The following RGS5 variants were observed in gnomAD, a reference collection of about 807,000 sequenced individuals.
RGS5 encodes regulator of G protein signaling 5.
Under a neutral mutation model 18.9 loss-of-function variants are expected in RGS5, and 20 were observed. The observed-to-expected ratio is 1.06, with a 90% CI of 0.74 to 1.54. The LOEUF is 1.54. RGS5 is among the 40% of genes most tolerant of loss of function. The pLI is 0.00. For missense variants in RGS5, 201 were observed against 211.8 expected (o/e 0.95, Z 0.32); for synonymous variants, 57 against 76.2 (o/e 0.75, Z 1.31).
At chr1:163,187,608 T>C (rs1659148152) in intron 1 of RGS5, among the ~76,000 whole-genome samples, 1 of 152,142 alleles carries the variant, frequency 6.6e-6, no homozygotes, top group Non-Finnish European at 1.5e-5. Context: ...AGAAGTGGGT[T>C]CAGGGAGCTT....
At chr1:163,157,557 T>C (rs542103036) in intron 3 of RGS5, among the ~76,000 whole-genome samples, 81 of 152,310 alleles carry the variant, frequency 5.3e-4, no homozygotes, top group African/African-American at 1.9e-3. Context: ...ATTAAAGATA[T>C]GAATGTAAGG....
intron 1 of RGS5, among the ~76,000 whole-genome samples, chr1:163,191,364 G>C (rs1487105227): frequency 6.6e-6 from 1 of 152,092 alleles, no homozygotes; most frequent in Non-Finnish European, 1.5e-5. Flanking sequence ...AGATAGTGCA[G>C]CAATTTGGGT....
At chr1:163,175,924 C>G (rs535918994) in intron 1 of RGS5, among the ~76,000 whole-genome samples, 4 of 152,232 alleles carry the variant, frequency 2.6e-5, no homozygotes, top group African/African-American at 9.6e-5. Context: ...GATATGACTT[C>G]AGAAATGAAA....
At chr1:163,285,882 C>G (rs1649130664) in intron 2 of RGS5, among the ~76,000 whole-genome samples, 1 of 151,996 alleles carries the variant, frequency 6.6e-6, no homozygotes, top group Non-Finnish European at 1.5e-5. Context: ...AAGCAGAATC[C>G]TGTACAGCCC....
intron 1 of RGS5, among the ~76,000 whole-genome samples, chr1:163,168,880 A>G (rs190372392): frequency 6.6e-6 from 1 of 152,070 alleles, no homozygotes; most frequent in African/African-American, 2.4e-5. Context: ...TTATTATTAT[A>G]CTTTAAGTTT....
intron 4 of RGS5, among the ~76,000 whole-genome samples, chr1:163,148,516 T>C (rs1027839): frequency 0.13 from 19,694 of 152,242 alleles, 1,494 homozygotes; most frequent in Non-Finnish European, 0.17. Flanking sequence ...ATAGATGCTG[T>C]TGTCTACATT....
At chr1:163,298,421 A>C (rs544262132) in intron 2 of RGS5, among the ~76,000 whole-genome samples, 111 of 152,266 alleles carry the variant, frequency 7.3e-4, no homozygotes, top group African/African-American at 2.5e-3. Flanking sequence ...CACAAAGTAG[A>C]GGACTTGAAG....
At chr1:163,229,516 C>T (rs1040299276) in intron 2 of RGS5, among the ~76,000 whole-genome samples, 11 of 152,214 alleles carry the variant, frequency 7.2e-5, no homozygotes, top group African/African-American at 2.2e-4. Context: ...TTAAAAGTCT[C>T]AAGACTGACA....
chr1:163,284,386 C>T (rs1217553120), intron 2 of RGS5, among the ~76,000 whole-genome samples: 5 of 152,200 alleles, frequency 3.3e-5, no homozygotes, highest in Non-Finnish European at 2.9e-5. Context: ...TCTTAAGATA[C>T]TGCTCACTTA....
chr1:163,243,665 A>AAAAC (rs1647858119), intron 2 of RGS5, among the ~76,000 whole-genome samples: 2 of 150,068 alleles, frequency 1.3e-5, no homozygotes, highest in East Asian at 3.9e-4. Flanking sequence ...AAAAAAAAAA[A>AAAAC]CCTAGATGAC....
chr1:163,224,208 C>T (rs377635214), intron 2 of RGS5, among the ~76,000 whole-genome samples: 5 of 152,144 alleles, frequency 3.3e-5, no homozygotes, highest in East Asian at 1.9e-4. Flanking sequence ...CTCCTCCTCC[C>T]TCCCCTCCCC....
intron 2 of RGS5, among the ~76,000 whole-genome samples, chr1:163,274,386 C>T (rs1648799731): frequency 7.6e-6 from 1 of 131,284 alleles, no homozygotes; most frequent in Admixed American, 7.3e-5. Flanking sequence ...CATTCATACG[C>T]CAAAAGGGTA....
chr1:163,154,102 C>T (rs1464836711), intron 3 of RGS5, among the ~76,000 whole-genome samples: 1 of 152,150 alleles, frequency 6.6e-6, no homozygotes, highest in Non-Finnish European at 1.5e-5. Flanking sequence ...TTCTGCAATA[C>T]ATTAGTTCTG....
rs549864500 is a variant in RGS5, at chr1:163,202,690, C to T, written c.44+102G>A. ...CAGTCAAGCACCTGTTTCACCTCAG[C>T]TTAGCCATAAACTACAATACCTCTG... is the stretch of plus-strand genomic sequence containing the variant. On this transcript the variant is annotated intron_variant, in intron 1 of 4. Coordinates refer to ENST00000313961, the MANE Select transcript of RGS5 (RefSeq NM_003617.4). 41 of 982,724 alleles carry T rather than the reference C, an allele frequency of 4.2e-5. No homozygotes were observed. The South Asian group carries it at 5.1e-4, about 12-fold the overall frequency. 60.9% of individuals were successfully genotyped at this position (982,724 alleles called of 1,614,324 possible). A position where few individuals can be genotyped will look rare whatever the true frequency, so the allele number is the denominator to read the frequency against.
At chr1:163,216,934 GGTTTTTAAT>G (rs1660232045) in intron 1 of RGS5, among the ~76,000 whole-genome samples, 1 of 152,106 alleles carries the variant, frequency 6.6e-6, no homozygotes, top group African/African-American at 2.4e-5. Context: ...AACTCCACTG[GGTTTTTAAT>G]GTCAGCTCAA....
chr1:163,274,846 G>A (rs1398385523), intron 2 of RGS5, among the ~76,000 whole-genome samples: 1 of 152,198 alleles, frequency 6.6e-6, no homozygotes, highest in Non-Finnish European at 1.5e-5. Flanking sequence ...CACTTACAAG[G>A]TGGGTCACAC....
chr1:163,220,565 C>G (rs1481235318), upstream of RGS5, among the ~76,000 whole-genome samples: 1 of 152,110 alleles, frequency 6.6e-6, no homozygotes, highest in Non-Finnish European at 1.5e-5. Context: ...TCTGATATTT[C>G]CACAGGACCA....
At chr1:163,239,861 A>G (rs1466781067) in intron 2 of RGS5, among the ~76,000 whole-genome samples, 2 of 152,214 alleles carry the variant, frequency 1.3e-5, no homozygotes, top group Non-Finnish European at 2.9e-5. Flanking sequence ...TGGCACTAAG[A>G]TTGATCTGAA....
At chr1:163,155,516 G>C (rs1195452336) in intron 3 of RGS5, among the ~76,000 whole-genome samples, 1 of 151,986 alleles carries the variant, frequency 6.6e-6, no homozygotes, top group African/African-American at 2.4e-5. Context: ...CCTGGCTTTT[G>C]GGCACTCTCT....
Sources: gnomAD v4.1 joint callset for allele counts (sites outside exome capture counted in the v4.1 genomes callset) on GRCh38, gnomAD v4.1.1 for gene constraint, MANE v1.5 for transcripts, NCBI Gene and HGNC (gene_info 2026-07-23, HGNC 2026-07-21) for gene names.